FOXP2: variants seen among roughly 807,000 people sequenced by gnomAD.
The protein encoded by FOXP2 is forkhead box protein P2.
Under a neutral mutation model 115.8 loss-of-function variants are expected in FOXP2, and 12 were observed. The ratio of observed to expected loss-of-function variants is 0.10; its 90% CI spans 0.07 to 0.17. The LOEUF is 0.17. Ranked by LOEUF, FOXP2 falls within the 10% of genes least tolerant of loss-of-function variation. FOXP2 has a pLI of 1.00. For synonymous variants in FOXP2, 328 were observed against 297.7 expected, an observed-to-expected ratio of 1.10 and a Z score of -1.05; for missense variants, 629 against 843.5, an observed-to-expected ratio of 0.75 and a Z score of 3.15.
At chr7:114,623,736 C>T (rs912206640) in intron 3 of FOXP2, among the ~76,000 whole-genome samples, 6 of 151,884 alleles carry the variant, frequency 4.0e-5, no homozygotes, top group African/African-American at 1.4e-4. Flanking sequence ...TTTGCTTTAT[C>T]AAGGTAACTA....
chr7:114,245,609 T>TA (rs1456748548), intron 1 of FOXP2, among the ~76,000 whole-genome samples: 1 of 152,210 alleles, frequency 6.6e-6, no homozygotes, highest in African/African-American at 2.4e-5. Context: ...TGAATATTGT[T>TA]AGTGGTTCAT....
intron 7 of FOXP2, among the ~76,000 whole-genome samples, chr7:114,643,622 A>C (rs1805704632): frequency 6.6e-6 from 1 of 152,200 alleles, no homozygotes; most frequent in Non-Finnish European, 1.5e-5. Context: ...TTGTGAAAGG[A>C]GCATTCATGT....
chr7:114,331,019 T>C (rs1176469041), intron 2 of FOXP2, among the ~76,000 whole-genome samples: 1 of 152,216 alleles, frequency 6.6e-6, no homozygotes, highest in Non-Finnish European at 1.5e-5. Context: ...TTTATTCTTA[T>C]GAAGTCTTTG....
intron 2 of FOXP2, among the ~76,000 whole-genome samples, chr7:114,491,843 G>A (rs1444286640): frequency 3.3e-5 from 5 of 152,106 alleles, no homozygotes; most frequent in African/African-American, 2.4e-5. Flanking sequence ...TTGCATCGAT[G>A]TTCATCAGGG....
At chr7:114,524,400 T>C (rs1337980675) in intron 2 of FOXP2, among the ~76,000 whole-genome samples, 1 of 152,182 alleles carries the variant, frequency 6.6e-6, no homozygotes, top group Non-Finnish European at 1.5e-5. Context: ...ATTTGTTTTG[T>C]TCTCTTTATA....
At chr7:114,201,421 C>A (rs1794061605) in intron 1 of FOXP2, among the ~76,000 whole-genome samples, 1 of 152,198 alleles carries the variant, frequency 6.6e-6, no homozygotes, top group African/African-American at 2.4e-5. Flanking sequence ...ATGTTCATTC[C>A]ACAACATCCC....
At position 114,690,126 on chromosome 7, in the gene FOXP2, CTTCTTT is replaced by C; in HGVS notation, c.*203_*208del. On this transcript the variant is annotated 3_prime_UTR_variant, in exon 17 of 17. Coordinates refer to ENST00000350908, the MANE Select transcript of FOXP2 (RefSeq NM_014491.4). ...AATTGCTTGTTTTCTTCTTCTTCTT[CTTCTTT>C]TTTTTTTTTTTTTTAGAAAAAAAGA... 9 of 472,406 alleles carry C rather than the reference CTTCTTT, an allele frequency of 1.9e-5. No individual in the cohort carries two copies. Among genetic ancestry groups the C allele is most frequent in the East Asian group, 4.5e-5 (1 of 22,108 alleles). The allele number at this position is 472,406 out of a possible 1,614,324, so 29.3% of individuals were successfully genotyped here. A position where few individuals can be genotyped will look rare whatever the true frequency, so the allele number is the denominator to read the frequency against.
chr7:114,240,049 T>A (rs1795111810), intron 1 of FOXP2, among the ~76,000 whole-genome samples: 2 of 152,100 alleles, frequency 1.3e-5, no homozygotes, highest in Admixed American at 1.3e-4. Context: ...CAGCATTTAG[T>A]TTTTTCCCCA....
At chr7:114,430,140 C>A (rs1053156003) in intron 2 of FOXP2, among the ~76,000 whole-genome samples, 1 of 151,554 alleles carries the variant, frequency 6.6e-6, no homozygotes. Flanking sequence ...GCCACGATAA[C>A]CTCTCCTATA....
At chr7:114,236,984 TG>T (rs981165755) in intron 1 of FOXP2, among the ~76,000 whole-genome samples, 2 of 151,966 alleles carry the variant, frequency 1.3e-5, no homozygotes, top group African/African-American at 4.8e-5. Context: ...AAAAAGAAAA[TG>T]ATAAATAAAA....
chr7:114,146,768 C>G (rs1327261962), intron 1 of FOXP2, among the ~76,000 whole-genome samples: 2 of 152,118 alleles, frequency 1.3e-5, no homozygotes, highest in Non-Finnish European at 2.9e-5. Flanking sequence ...GCAGGAAAAA[C>G]AATAGACATG....
chr7:114,529,764 A>T (rs1363227976), intron 2 of FOXP2, among the ~76,000 whole-genome samples: 1 of 151,844 alleles, frequency 6.6e-6, no homozygotes, highest in Non-Finnish European at 1.5e-5. Context: ...GGTTATGCCA[A>T]TTAGATGATT....
upstream of FOXP2, among the ~76,000 whole-genome samples, chr7:114,160,977 A>G (rs1562986652): frequency 6.6e-6 from 1 of 152,200 alleles, no homozygotes; most frequent in Non-Finnish European, 1.5e-5. Flanking sequence ...ATGACATGTC[A>G]GTCCAGGACA....
At chr7:114,440,678 T>G (rs917078022) in intron 2 of FOXP2, among the ~76,000 whole-genome samples, 38 of 152,198 alleles carry the variant, frequency 2.5e-4, no homozygotes, top group African/African-American at 8.4e-4. Context: ...AGTAATCCAT[T>G]GGCTGAAATT....
intron 2 of FOXP2, among the ~76,000 whole-genome samples, chr7:114,332,047 A>G (rs1797727462): frequency 6.6e-6 from 1 of 151,966 alleles, no homozygotes; most frequent in African/African-American, 2.4e-5. Flanking sequence ...CTAACATACT[A>G]TGATTAGTCC....
chr7:114,524,837 G>T (rs1717366322), intron 2 of FOXP2, among the ~76,000 whole-genome samples: 1 of 151,976 alleles, frequency 6.6e-6, no homozygotes, highest in Admixed American at 6.6e-5. Context: ...ATTCTTTTGT[G>T]CAAGTGACCC....
intron 2 of FOXP2, among the ~76,000 whole-genome samples, chr7:114,507,683 A>G (rs1445221181): frequency 6.6e-6 from 1 of 151,932 alleles, no homozygotes; most frequent in East Asian, 1.9e-4. Flanking sequence ...CTATGTCCCA[A>G]TACATGCAGA....
At chr7:114,542,377 T>A (rs1413847204) in intron 3 of FOXP2, among the ~76,000 whole-genome samples, 1 of 152,170 alleles carries the variant, frequency 6.6e-6, no homozygotes, top group Non-Finnish European at 1.5e-5. Flanking sequence ...AATATTTAAT[T>A]CTTGTCTTAC....
At chr7:114,312,538 A>G (rs1450552547) in intron 2 of FOXP2, among the ~76,000 whole-genome samples, 4 of 152,154 alleles carry the variant, frequency 2.6e-5, no homozygotes, top group African/African-American at 9.7e-5. Context: ...TCCTTTCTCA[A>G]ACCTGTTGGG....
Sources: allele counts gnomAD v4.1 joint callset (sites outside exome capture counted in the v4.1 genomes callset), GRCh38; gene constraint gnomAD v4.1.1; transcripts MANE v1.5; gene names NCBI Gene and HGNC (gene_info 2026-07-23, HGNC 2026-07-21).